Variants in ATF7 observed in about 807,000 individuals in gnomAD.
ATF7 encodes the protein cyclic AMP-dependent transcription factor ATF-7.
Under a neutral mutation model 50.4 loss-of-function variants are expected in ATF7, and 10 were observed. The ratio of observed to expected loss-of-function variants is 0.20; its 90% CI spans 0.12 to 0.34. ATF7 has a LOEUF of 0.34. Ranked by LOEUF, ATF7 falls within the 10% of genes least tolerant of loss-of-function variation. The pLI is 1.00. For missense variants in ATF7, 465 were observed against 613.9 expected, an observed-to-expected ratio of 0.76 and a Z score of 2.56; for synonymous variants, 201 against 226.4, an observed-to-expected ratio of 0.89 and a Z score of 1.01.
At chr12:53,540,280 G>A (rs1263149931) in intron 4 of ATF7, among the ~76,000 whole-genome samples, 2 of 151,638 alleles carry the variant, frequency 1.3e-5, no homozygotes, top group African/African-American at 2.4e-5. Context: ...GAACTCAGGA[G>A]GTGGAGGTTG....
intron 1 of ATF7, among the ~76,000 whole-genome samples, chr12:53,624,511 TCAAA>T (rs1944528220): frequency 6.6e-6 from 1 of 152,218 alleles, no homozygotes; most frequent in African/African-American, 2.4e-5. Flanking sequence ...TACACAACTA[TCAAA>T]CAAAGGGCAA....
intron 4 of ATF7, among the ~76,000 whole-genome samples, chr12:53,542,619 G>A (rs1194200105): frequency 6.6e-6 from 1 of 152,076 alleles, no homozygotes; most frequent in Non-Finnish European, 1.5e-5. Flanking sequence ...TTGTAAACAT[G>A]GAGGTCCTGC....
chr12:53,605,389 CAA>C lies in ATF7; in HGVS notation c.-21-4370_-21-4369del, dbSNP rs11433998. ...GGGCAACAAGAGTGAAATTCTGTCT[CAA>C]AAAAAAAAAAAAAAAAAAGATTTAA... On this transcript the variant is annotated intron_variant, in intron 1 of 11. Coordinates refer to ENST00000420353, the MANE Select transcript of ATF7 (RefSeq NM_006856.3). 1.2e-3 allele frequency among the ~76,000 whole-genome samples: 125 copies of C among 101,970 alleles called. 1 individual carries two copies. The highest frequency in any genetic ancestry group is 4.1e-3 in the African/African-American group (109 of 26,906). The allele number at this position is 101,970 out of a possible 152,430, so 66.9% of individuals were successfully genotyped here. A position where few individuals can be genotyped will look rare whatever the true frequency, so the allele number is the denominator to read the frequency against.
At position 53,540,532 on chromosome 12, in the gene ATF7, T is replaced by C. The variant is rs573077519; in HGVS notation, c.264+2798A>G. Among the ~76,000 whole-genome samples the C allele has an allele frequency of 1.4e-3, 212 of 151,692 alleles. 1 individual carries two copies. The highest frequency in any genetic ancestry group is 4.9e-3 in the African/African-American group (202 of 41,376). On this transcript the variant is annotated intron_variant, in intron 4 of 11. Coordinates refer to ENST00000420353, the MANE Select transcript of ATF7 (RefSeq NM_006856.3). ...TGAGCTCAGGAGTTTGAGACCAGCC[T>C]GGGCAACATGGCAAAACCCTATCTC...
At position 53,515,297 on chromosome 12, in the gene ATF7, T is replaced by G. The variant is rs1325512377; in HGVS notation, c.*1840A>C. 6.6e-6 allele frequency: 1 copy of G among 152,192 alleles called. No individual in the cohort carries two copies. Among genetic ancestry groups the G allele is most frequent in the Non-Finnish European group, 1.5e-5 (1 of 68,034 alleles). 9.4% of individuals were successfully genotyped at this position (152,192 alleles called of 1,614,324 possible). A position where few individuals can be genotyped will look rare whatever the true frequency, so the allele number is the denominator to read the frequency against. On this transcript the variant is annotated 3_prime_UTR_variant, in exon 12 of 12. Transcript: ENST00000420353. ...TTTAAGGAAACGGGAATCTTGTAGC[T>G]TAGAACATTTTCTCATTCCCCTGTG... is the stretch of plus-strand genomic sequence containing the variant.
chr12:53,545,839 C>A (rs551314309), intron 3 of ATF7, among the ~76,000 whole-genome samples: 1 of 151,990 alleles, frequency 6.6e-6, no homozygotes, highest in Non-Finnish European at 1.5e-5. Flanking sequence ...CGGATCCCCC[C>A]TTGAGCTCAG....
chr12:53,536,596 T>C (rs1939239529), intron 5 of ATF7, among the ~76,000 whole-genome samples: 1 of 150,778 alleles, frequency 6.6e-6, no homozygotes, highest in African/African-American at 2.4e-5. Flanking sequence ...CTATTAAGAA[T>C]ACAATTGCTG....
intron 2 of ATF7, among the ~76,000 whole-genome samples, chr12:53,587,639 C>T (rs1482121873): frequency 1.3e-5 from 2 of 148,482 alleles, no homozygotes; most frequent in African/African-American, 2.5e-5. Flanking sequence ...CCACTGTACT[C>T]CAGTGCACTC....
chr12:53,510,282 G>A (rs927276654), downstream of ATF7, among the ~76,000 whole-genome samples: 3 of 152,106 alleles, frequency 2.0e-5, no homozygotes, highest in Admixed American at 6.5e-5. Flanking sequence ...CAGGTGATCC[G>A]CCCGCCTGGG....
chr12:53,573,222 T>C (rs765303908), intron 2 of ATF7, among the ~76,000 whole-genome samples: 4 of 152,204 alleles, frequency 2.6e-5, no homozygotes, highest in Non-Finnish European at 5.9e-5. Flanking sequence ...TGTGCTGAAT[T>C]TATAAATTAA....
At chr12:53,561,245 T>C (rs1020072363) in intron 2 of ATF7, among the ~76,000 whole-genome samples, 3 of 151,478 alleles carry the variant, frequency 2.0e-5, no homozygotes, top group African/African-American at 7.3e-5. Flanking sequence ...GGGGCGTATT[T>C]TGATGAAAGG....
At chr12:53,549,111 C>T (rs1416258719) in intron 3 of ATF7, among the ~76,000 whole-genome samples, 1 of 151,928 alleles carries the variant, frequency 6.6e-6, no homozygotes, top group African/African-American at 2.4e-5. Context: ...GCGGTGAAAC[C>T]CCGTCTCTAC....
Position 53,516,950 on chromosome 12 carries a change from C to T in ATF7, c.*187G>A. On this transcript the variant is annotated 3_prime_UTR_variant, in exon 12 of 12. Coordinates refer to ENST00000420353, the MANE Select transcript of ATF7 (RefSeq NM_006856.3). ...ATGAGGCTCCGGGGCTGGGAGGCCC[C>T]CAGCACAGGTGTCAAACGTACATGA... is the stretch of plus-strand genomic sequence containing the variant. 1.5e-6 allele frequency: 1 copy of T among 687,346 alleles called. No homozygotes were observed. Among genetic ancestry groups the T allele is most frequent in the South Asian group, 1.8e-5 (1 of 54,368 alleles). 42.6% of individuals were successfully genotyped at this position (687,346 alleles called of 1,614,324 possible).
At chr12:53,614,650 G>C (rs142706563) in intron 1 of ATF7, among the ~76,000 whole-genome samples, 1 of 152,174 alleles carries the variant, frequency 6.6e-6, no homozygotes, top group Non-Finnish European at 1.5e-5. Flanking sequence ...TATTTCCTAA[G>C]TCTGTCCACA....
At chr12:53,603,441 G>A (rs950245595) in intron 1 of ATF7, among the ~76,000 whole-genome samples, 1 of 152,066 alleles carries the variant, frequency 6.6e-6, no homozygotes, top group Non-Finnish European at 1.5e-5. Context: ...TCTAACAGAA[G>A]TAAGTATTTT....
chr12:53,527,117 C>T (rs1441799919), intron 9 of ATF7, among the ~76,000 whole-genome samples: 1 of 151,894 alleles, frequency 6.6e-6, no homozygotes, highest in East Asian at 1.9e-4. Flanking sequence ...CGAGATTGCG[C>T]CACTGCACTC....
At chr12:53,534,416 G>A in intron 6 of ATF7, 86 bp downstream of exon 6, 1 of 1,566,512 alleles carries the variant, frequency 6.4e-7, no homozygotes. Flanking sequence ...CTTGGGTATT[G>A]GAAAACAGTC....
chr12:53,524,556 C>A lies in ATF7; in HGVS notation c.1125+8G>T. On this transcript the variant is annotated splice_region_variant and intron_variant, in intron 10 of 11. Transcript: ENST00000420353. This position sits in a 1 kb window ranked among gnomAD's most constrained non-coding sequence, Gnocchi z 4.6. ...AACAATTCCAATAAGCATCCAGGAC[C>A]CACTCACACTCAGCTGAATGTTCTG... 5 of 1,613,568 alleles carry A rather than the reference C, an allele frequency of 3.1e-6. No individual in the cohort carries two copies. The highest frequency in any genetic ancestry group is 4.2e-6 in the Non-Finnish European group (5 of 1,179,886).
intron 3 of ATF7, among the ~76,000 whole-genome samples, chr12:53,545,468 C>G (rs1458322334): frequency 6.6e-6 from 1 of 152,112 alleles, no homozygotes; most frequent in Non-Finnish European, 1.5e-5. Context: ...TCCCAAGTAG[C>G]TGGGATTGCA....
Sources: allele counts gnomAD v4.1 joint callset (sites outside exome capture counted in the v4.1 genomes callset), GRCh38; gene constraint gnomAD v4.1.1; non-coding constraint Gnocchi (gnomAD v3.1); transcripts MANE v1.5; gene names NCBI Gene and HGNC (gene_info 2026-07-23, HGNC 2026-07-21).